Variants in FUBP3 observed in about 807,000 individuals in gnomAD.
FUBP3 encodes the protein far upstream element binding protein 3, also known as far upstream element-binding protein 3.
FUBP3 carries 28 observed loss-of-function variants against 85.6 expected under a neutral mutation model. That is an observed-to-expected ratio of 0.33 (90% CI 0.24 to 0.45). The LOEUF (loss-of-function observed/expected upper bound fraction) is 0.45. Ranked by LOEUF, FUBP3 falls within the 20% of genes least tolerant of loss-of-function variation. FUBP3 has a pLI of 1.00. For missense variants in FUBP3, 583 were observed against 755.1 expected (o/e 0.77, Z 2.67); for synonymous variants, 271 against 271.4 (o/e 1.00, Z 0.01).
At chr9:130,589,700 TATATA>T (rs201699752) in intron 1 of FUBP3, among the ~76,000 whole-genome samples, 211 of 33,728 alleles carry the variant, frequency 6.3e-3, no homozygotes, top group African/African-American at 0.028. Context: ...TATATATATA[TATATA>T]TTTTTTTTTT....
At chr9:130,598,253 C>G (rs1830966258) in intron 2 of FUBP3, among the ~76,000 whole-genome samples, 1 of 152,200 alleles carries the variant, frequency 6.6e-6, no homozygotes, top group South Asian at 2.1e-4. Context: ...TAGAGGGTTT[C>G]ATTTGCAAAT....
chr9:130,582,450 CAA>C (rs71387370), intron 1 of FUBP3, among the ~76,000 whole-genome samples: 7 of 124,634 alleles, frequency 5.6e-5, no homozygotes, highest in African/African-American at 8.7e-5. Flanking sequence ...GACACTGTCT[CAA>C]AAAAAAAAAA....
At chr9:130,579,888 G>A in intron 1 of FUBP3, 124 bp downstream of exon 1, 1 of 521,432 alleles carries the variant, frequency 1.9e-6, no homozygotes, top group Non-Finnish European at 2.9e-6. Flanking sequence ...GGGCCGGGCC[G>A]TTCCGTGGAG....
In FUBP3 at chr9:130,595,955, A is replaced by G. The variant is rs537837350; in HGVS notation, c.190+367A>G. On this transcript the variant is annotated intron_variant, in intron 2 of 18. Coordinates refer to ENST00000319725, the MANE Select transcript of FUBP3 (RefSeq NM_003934.2). ...AAGCTACGATTTGGTGCATGGCTCT[A>G]GGGAAGCTGTGGCTACATCTTGACC... is the stretch of plus-strand genomic sequence containing the variant. Among the ~76,000 whole-genome samples the G allele has an allele frequency of 9.8e-5, 15 of 152,348 alleles. 1 individual carries two copies. Among genetic ancestry groups the G allele is most frequent in the Non-Finnish European group, 1.9e-4 (13 of 68,030 alleles).
intron 16 of FUBP3, among the ~76,000 whole-genome samples, chr9:130,632,506 T>C (rs939057161): frequency 6.6e-5 from 10 of 152,220 alleles, no homozygotes; most frequent in Non-Finnish European, 1.3e-4. Context: ...TCAGGCGGGC[T>C]GGGGACTCTG....
chr9:130,636,081 C>CG lies in FUBP3; in HGVS notation c.1666dup (p.Ala556GlyfsTer62). On this transcript the variant is annotated frameshift_variant, in exon 18 of 19. Coordinates refer to ENST00000319725, the MANE Select transcript of FUBP3 (RefSeq NM_003934.2). LOFTEE classifies it high-confidence loss of function. ...GGGCAGAATATTACAGACAGCAGGTCGCTTTCTACGGACAGACGTTAGGGC... is the reference window on the plus strand; with the variant it reads ...GGGCAGAATATTACAGACAGCAGGTCGGCTTTCTACGGACAGACGTTAGGGC... 1 of 1,613,610 alleles carries CG rather than the reference C, an allele frequency of 6.2e-7. No individual in the cohort carries two copies. The highest frequency in any genetic ancestry group is 8.5e-7 in the Non-Finnish European group (1 of 1,179,686).
chr9:130,589,603 C>T (rs1007005125), intron 1 of FUBP3, among the ~76,000 whole-genome samples: 38 of 148,538 alleles, frequency 2.6e-4, no homozygotes, highest in Non-Finnish European at 4.7e-4. Flanking sequence ...CTTGGCCTCC[C>T]AAAGTGCTGG....
chr9:130,583,694 G>A (rs552146188), intron 1 of FUBP3, among the ~76,000 whole-genome samples: 81 of 152,328 alleles, frequency 5.3e-4, no homozygotes, highest in Non-Finnish European at 7.2e-4. Flanking sequence ...TTGGGACCCA[G>A]TAGAGTACCT....
chr9:130,592,292 G>A (rs1003800136), intron 1 of FUBP3, among the ~76,000 whole-genome samples: 1 of 152,134 alleles, frequency 6.6e-6, no homozygotes, highest in Non-Finnish European at 1.5e-5. Context: ...AAAGGGAACC[G>A]GGATAATTTC....
At chr9:130,614,455 GC>G in intron 6 of FUBP3, 110 bp downstream of exon 6, 1 of 660,650 alleles carries the variant, frequency 1.5e-6, no homozygotes, top group Non-Finnish European at 2.7e-6. Context: ...CTGCAGTCTG[GC>G]CACACAGGTA....
Position 130,635,868 on chromosome 9 carries a change from C to A in FUBP3, c.1583-131C>A. ...AAGCGCTCCTGCAACACCAGCCTCA[C>A]CTCACTGCCTCCCAGACCTCCCTGC... On this transcript the variant is annotated intron_variant, in intron 17 of 18. Coordinates refer to ENST00000319725, the MANE Select transcript of FUBP3 (RefSeq NM_003934.2). The surrounding 1 kb of genome is among the most constrained non-coding windows in gnomAD (Gnocchi z 4.3). The A allele has an allele frequency of 1.1e-6, 1 of 900,488 alleles. No homozygotes were observed. The highest frequency in any genetic ancestry group is 1.7e-6 in the Non-Finnish European group (1 of 585,932). 55.8% of individuals were successfully genotyped at this position (900,488 alleles called of 1,614,324 possible).
At chr9:130,611,519 TGGCAAGTGCTATTTATGC>T (rs1384271565) in intron 3 of FUBP3, among the ~76,000 whole-genome samples, 1 of 152,188 alleles carries the variant, frequency 6.6e-6, no homozygotes, top group Non-Finnish European at 1.5e-5. Flanking sequence ...AATGATACAG[TGGCAAGTGCTATTTATGC>T]TATTGCATTT....
intron 1 of FUBP3, among the ~76,000 whole-genome samples, chr9:130,589,700 TATA>T (rs1339264890): frequency 0.032 from 1,057 of 33,322 alleles, 13 homozygotes; most frequent in Non-Finnish European, 0.045. Context: ...TATATATATA[TATA>T]TATTTTTTTT....
chr9:130,587,174 C>G (rs973544951), intron 1 of FUBP3, among the ~76,000 whole-genome samples: 5 of 151,746 alleles, frequency 3.3e-5, no homozygotes, highest in Admixed American at 6.6e-5. Context: ...AAGTGATTCT[C>G]CTGCCTCAGC....
chr9:130,622,889 T>C (rs1829816791), intron 10 of FUBP3, 79 bp downstream of exon 10: 1 of 652,568 alleles, frequency 1.5e-6, no homozygotes, highest in Non-Finnish European at 2.6e-6. Context: ...TAAAACACCT[T>C]ACAAAACAAG....
chr9:130,589,705 A>ATATATTTT (rs1414691549), intron 1 of FUBP3, among the ~76,000 whole-genome samples: 2 of 73,834 alleles, frequency 2.7e-5, no homozygotes, highest in African/African-American at 7.7e-5. Context: ...ATATATATAT[A>ATATATTTT]TTTTTTTTTT....
intron 12 of FUBP3, among the ~76,000 whole-genome samples, chr9:130,629,667 T>C (rs888956764): frequency 6.6e-6 from 1 of 152,174 alleles, no homozygotes; most frequent in African/African-American, 2.4e-5. Flanking sequence ...TTAGGGCCTG[T>C]TTTTTTGACT....
Position 130,635,601 on chromosome 9 carries a change from GTGTTGAAGC to G in FUBP3, c.1583-393_1583-385del, listed in dbSNP as rs550178168. Among the ~76,000 whole-genome samples, 107 of 152,280 alleles carry G rather than the reference GTGTTGAAGC, an allele frequency of 7.0e-4. 1 individual carries two copies. The South Asian group carries it at 0.022, about 31-fold the overall frequency. On this transcript the variant is annotated intron_variant, in intron 17 of 18. Coordinates refer to ENST00000319725, the MANE Select transcript of FUBP3 (RefSeq NM_003934.2). This position sits in a 1 kb window ranked among gnomAD's most constrained non-coding sequence, Gnocchi z 4.3. ...TCCCAATTCCCAGACCCCTGGGCCT[GTGTTGAAGC>G]TGTTCACAGGATTTGGACACTATCA... is the stretch of plus-strand genomic sequence containing the variant.
chr9:130,636,098 C>T lies in FUBP3; in HGVS notation c.1682C>T (p.Thr561Met), dbSNP rs773173082. Residue 561 changes from threonine to methionine, a missense_variant, in exon 18 of 19, where the codon ACG (threonine) becomes ATG (methionine). Coordinates refer to ENST00000319725, the MANE Select transcript of FUBP3 (RefSeq NM_003934.2). ...YRQQVAFYGQ[T>M]LGQAQAHSQE... ...CAGCAGGTCGCTTTCTACGGACAGACGTTAGGGCAGGCGCAGGCCCACAGC... is the reference window on the plus strand; with the variant it reads ...CAGCAGGTCGCTTTCTACGGACAGATGTTAGGGCAGGCGCAGGCCCACAGC... 4.3e-6 allele frequency: 7 copies of T among 1,613,604 alleles called. No individual in the cohort carries two copies. The highest frequency in any genetic ancestry group is 2.2e-5 in the South Asian group (2 of 91,084).
Sources: gnomAD v4.1 joint callset for allele counts (sites outside exome capture counted in the v4.1 genomes callset) on GRCh38, gnomAD v4.1.1 for gene constraint, Gnocchi (gnomAD v3.1) non-coding constraint, MANE v1.5 for transcripts, NCBI Gene and HGNC (gene_info 2026-07-23, HGNC 2026-07-21) for gene names.